The following CACNA2D1 variants were observed in gnomAD, a reference collection of about 807,000 sequenced individuals.
CACNA2D1 encodes the protein calcium voltage-gated channel auxiliary subunit alpha2delta 1, also known as voltage-dependent calcium channel subunit alpha-2/delta-1.
A neutral mutation model predicts 171.5 loss-of-function variants in CACNA2D1; 53 were observed. The ratio of observed to expected loss-of-function variants is 0.31; its 90% confidence interval spans 0.25 to 0.39. The LOEUF is 0.39. Ranked by LOEUF, CACNA2D1 falls within the 10% of genes least tolerant of loss-of-function variation. The pLI, the probability that CACNA2D1 is intolerant of heterozygous loss-of-function variation, is 1.00. For missense variants in CACNA2D1, 903 were observed against 1,299.8 expected, an observed-to-expected ratio of 0.69 and a Z score of 4.69; for synonymous variants, 442 against 443.1, an observed-to-expected ratio of 1.00 and a Z score of 0.03.
chr7:81,988,858 A>G (rs1249076195), intron 21 of CACNA2D1, among the ~76,000 whole-genome samples: 2 of 152,206 alleles, frequency 1.3e-5, no homozygotes, highest in Admixed American at 6.5e-5. Flanking sequence ...GGAACTTACT[A>G]GTGAGAGAAC....
rs775523046 is a variant in CACNA2D1 at position 81,967,609 on chromosome 7, G to A, written c.2450C>T (p.Ser817Leu). The change falls in exon 30 of 39, where the codon TCA becomes TTA. Residue 817 changes from serine (S) to leucine (L), a missense_variant. This residue lies in a region of CACNA2D1 where 623 missense variants were observed against 925.5 expected (regional missense o/e 0.67). Transcript: ENST00000356860. ...AAAATATCTTACCGGATCTCTGATT[G>A]AGGTTTTGGTGAAATTCTCTATCCA... ...NSWIENFTKT[S>L]IRDPCAGPVC... The A allele has an allele frequency of 2.0e-6, 3 of 1,506,296 alleles. No individual in the cohort carries two copies. Among genetic ancestry groups the A allele is most frequent in the Admixed American group, 1.7e-5 (1 of 58,474 alleles). 93.3% of individuals were successfully genotyped at this position (1,506,296 alleles called of 1,614,324 possible). A position where few individuals can be genotyped will look rare whatever the true frequency, so the allele number is the denominator to read the frequency against.
At chr7:82,172,945 A>G (rs1193948803) in intron 3 of CACNA2D1, among the ~76,000 whole-genome samples, 1 of 152,084 alleles carries the variant, frequency 6.6e-6, no homozygotes, top group African/African-American at 2.4e-5. Context: ...AGAGAAGAAT[A>G]TTAAGTTTTT....
intron 6 of CACNA2D1, among the ~76,000 whole-genome samples, chr7:82,111,375 TTC>T (rs1372304783): frequency 8.2e-6 from 1 of 122,230 alleles, no homozygotes; most frequent in South Asian, 2.8e-4. Flanking sequence ...TATATATATA[TTC>T]ATATATGTGT....
chr7:82,080,446 G>C (rs776674377), intron 7 of CACNA2D1, among the ~76,000 whole-genome samples: 1 of 152,030 alleles, frequency 6.6e-6, no homozygotes, highest in African/African-American at 2.4e-5. Flanking sequence ...TGAAGTAATG[G>C]GGAAGCTGAC....
chr7:82,070,780 C>T (rs1156474334), intron 7 of CACNA2D1, among the ~76,000 whole-genome samples: 2 of 152,074 alleles, frequency 1.3e-5, no homozygotes, highest in Non-Finnish European at 2.9e-5. Context: ...AATGGGAAGA[C>T]AGAACTTTGG....
intron 3 of CACNA2D1, among the ~76,000 whole-genome samples, chr7:82,321,898 GGGC>G (rs1815950884): frequency 6.6e-6 from 1 of 151,478 alleles, no homozygotes; most frequent in Non-Finnish European, 1.5e-5. Flanking sequence ...AGGCCGAGGC[GGGC>G]GGATCACGAG....
intron 3 of CACNA2D1, among the ~76,000 whole-genome samples, chr7:82,245,658 T>TCA (rs1276289238): frequency 0.015 from 883 of 60,216 alleles, 6 homozygotes; most frequent in African/African-American, 0.046. Context: ...TCTCTCTCTC[T>TCA]CTCTCACACA....
chr7:81,967,170 T>C lies in CACNA2D1; in HGVS notation c.2501A>G (p.Asp834Gly). 1 of 1,604,902 alleles carries C rather than the reference T, an allele frequency of 6.2e-7. No homozygotes were observed. The highest frequency in any genetic ancestry group is 1.1e-5 in the South Asian group (1 of 90,644). Reference sequence around the variant, plus strand: ...AGTGATTTTAAATAGTTTTCTTACGTCACTGTTTCTTTTGCAGTCACAAAC... The same window carrying C: ...AGTGATTTTAAATAGTTTTCTTACGCCACTGTTTCTTTTGCAGTCACAAAC... ...GPVCDCKRNS[D>G]VMDCVILDDG... The change falls in exon 31 of 39, where the codon GAC (aspartate) becomes GGC (glycine). Residue 834 changes from aspartate (D) to glycine (G), a missense_variant and splice_region_variant. This residue lies in a region of CACNA2D1 where 623 missense variants were observed against 925.5 expected (regional missense o/e 0.67). Transcript: ENST00000356860.
chr7:82,159,447 C>G (rs1301585168), intron 4 of CACNA2D1, among the ~76,000 whole-genome samples: 1 of 151,842 alleles, frequency 6.6e-6, no homozygotes, highest in Admixed American at 6.6e-5. Context: ...TCCATCAAAT[C>G]ACTAGCTTAT....
At chr7:82,043,735 G>A (rs1804219181) in intron 10 of CACNA2D1, among the ~76,000 whole-genome samples, 1 of 152,166 alleles carries the variant, frequency 6.6e-6, no homozygotes, top group Admixed American at 6.6e-5. Flanking sequence ...TTTCTGAGAA[G>A]AGGGACTCTG....
intron 4 of CACNA2D1, among the ~76,000 whole-genome samples, chr7:82,149,805 AC>A (rs1793599353): frequency 1.3e-5 from 2 of 151,160 alleles, no homozygotes; most frequent in East Asian, 2.0e-4. Context: ...AAAAAAAAAA[AC>A]ATTAGCTGGG....
At chr7:81,972,471 G>A (rs1795380898) in intron 25 of CACNA2D1, among the ~76,000 whole-genome samples, 1 of 151,784 alleles carries the variant, frequency 6.6e-6, no homozygotes, top group Non-Finnish European at 1.5e-5. Context: ...AATGGAATGA[G>A]CATCACAGAG....
chr7:82,064,247 T>A, intron 9 of CACNA2D1, 57 bp downstream of exon 9: 1 of 1,196,760 alleles, frequency 8.4e-7, no homozygotes, highest in Non-Finnish European at 1.2e-6. Flanking sequence ...ATACTACTGT[T>A]ATCTACAAAT....
At chr7:81,991,318 G>C (rs1036976205) in intron 20 of CACNA2D1, 72 bp from the exon 21 acceptor site, 1 of 800,994 alleles carries the variant, frequency 1.2e-6, no homozygotes, top group African/African-American at 1.7e-5. Flanking sequence ...TAAAGCCGTA[G>C]AATTTACTTA....
At position 82,277,744 on chromosome 7, in the gene CACNA2D1, A is replaced by T. The variant is rs1165576515; in HGVS notation, c.294+57391T>A. ...TGCATATTTGATTTTTTAATTTTTT[A>T]CTTTTATTTTTTTTTTTTTGAGATG... On this transcript the variant is annotated intron_variant, in intron 3 of 38. Transcript: ENST00000356860. 1.1e-4 allele frequency among the ~76,000 whole-genome samples: 14 copies of T among 124,640 alleles called. 1 individual carries two copies. The highest frequency in any genetic ancestry group is 4.2e-3 in the Middle Eastern group (1 of 238). 81.8% of individuals were successfully genotyped at this position (124,640 alleles called of 152,430 possible).
intron 1 of CACNA2D1, among the ~76,000 whole-genome samples, chr7:82,352,965 T>C (rs1820025672): frequency 6.6e-6 from 1 of 152,056 alleles, no homozygotes; most frequent in Admixed American, 6.6e-5. Flanking sequence ...TTCTGAAACA[T>C]TTAGGTTATA....
At chr7:82,357,376 A>T (rs970742594) in intron 1 of CACNA2D1, among the ~76,000 whole-genome samples, 3 of 152,142 alleles carry the variant, frequency 2.0e-5, no homozygotes, top group Admixed American at 1.3e-4. Flanking sequence ...AGTTGAGTAC[A>T]AAGTGTCCAG....
intron 1 of CACNA2D1, among the ~76,000 whole-genome samples, chr7:82,374,789 C>CAAAAAA: frequency 4.4e-5 from 1 of 22,944 alleles, no homozygotes; most frequent in Non-Finnish European, 1.5e-4. Flanking sequence ...AAAATGCCCC[C>CAAAAAA]CAAAAAAAGA....
chr7:82,065,494 C>T (rs1268355853), intron 8 of CACNA2D1, among the ~76,000 whole-genome samples: 1 of 152,140 alleles, frequency 6.6e-6, no homozygotes, highest in African/African-American at 2.4e-5. Context: ...CACTCAACAG[C>T]CCCATGGCTC....
Sources: allele counts gnomAD v4.1 joint callset (sites outside exome capture counted in the v4.1 genomes callset), GRCh38; gene constraint gnomAD v4.1.1; regional missense constraint gnomAD v4.1.1; transcripts MANE v1.5; gene names NCBI Gene and HGNC (gene_info 2026-07-23, HGNC 2026-07-21).